Variants in NCKAP1 observed in about 807,000 individuals in gnomAD.
The protein encoded by NCKAP1 is nck-associated protein 1.
In NCKAP1, 21 loss-of-function variants were observed where a neutral mutation model predicts 151.2. The observed-to-expected ratio is 0.14, with a 90% CI of 0.10 to 0.20. The LOEUF (loss-of-function observed/expected upper bound fraction) is 0.20. Among genes scored for constraint, NCKAP1 ranks in the 10% least tolerant of loss-of-function variants. NCKAP1 has a pLI of 1.00. For synonymous variants in NCKAP1, 484 were observed against 451.8 expected (o/e 1.07, Z -0.90); for missense variants, 933 against 1,352.1 (o/e 0.69, Z 4.86).
intron 23 of NCKAP1, among the ~76,000 whole-genome samples, chr2:182,950,578 TAAA>T (rs1169501002): frequency 5.8e-4 from 89 of 152,198 alleles, no homozygotes; most frequent in Non-Finnish European, 8.8e-5. Flanking sequence ...TACAACCATA[TAAA>T]GTTTATAAAC....
In NCKAP1 at chr2:182,913,031, G is replaced by A. The variant is rs192131995; in HGVS notation, c.*12671C>T. 1.3e-5 allele frequency: 2 copies of A among 152,272 alleles called. No homozygotes were observed. The highest frequency in any genetic ancestry group is 4.8e-5 in the African/African-American group (2 of 41,560). 9.4% of individuals were successfully genotyped at this position (152,272 alleles called of 1,614,324 possible). On this transcript the variant is annotated 3_prime_UTR_variant, in exon 31 of 31. Coordinates refer to ENST00000361354, the MANE Select transcript of NCKAP1 (RefSeq NM_013436.5). ...ACTTGAGCCTCTGTTCAGTTTTGAC[G>A]TTACCATGTTGAATAGTTGTTATTT...
chr2:182,983,310 A>C lies in NCKAP1; in HGVS notation c.1077T>G (p.Asp359Glu). The C allele has an allele frequency of 6.2e-7, 1 of 1,611,692 alleles. No homozygotes were observed. The highest frequency in any genetic ancestry group is 8.5e-7 in the Non-Finnish European group (1 of 1,177,940). The stretch of plus-strand genomic sequence containing the variant: ...CCTTGGGACCTAGCAATCCAGGTTG[A>C]TCAGAGAGGACAGTAGCCAATTCCT... Reference protein sequence around the residue: ...ALKELATVLSDQPGLLGPKAL... With the variant: ...ALKELATVLSEQPGLLGPKAL... Residue 359 changes from aspartate (D) to glutamate (E), a missense_variant, in exon 11 of 31, where the codon GAT (aspartate) becomes GAG (glutamate). By Grantham distance (45) the Asp-to-Glu change is conservative (BLOSUM62 2). Around this residue, in one of 2 missense-constraint regions of NCKAP1, gnomAD observed 607 missense variants for 795.0 expected, o/e 0.76. Coordinates refer to ENST00000361354, the MANE Select transcript of NCKAP1 (RefSeq NM_013436.5).
chr2:182,974,249 C>T (rs1393097527), intron 15 of NCKAP1, among the ~76,000 whole-genome samples: 1 of 140,832 alleles, frequency 7.1e-6, no homozygotes, highest in East Asian at 2.0e-4. Flanking sequence ...ATGCATTGTC[C>T]TGTTGTCACT....
In NCKAP1 at chr2:182,922,146, T is replaced by G. The variant is rs2105791926; in HGVS notation, c.*3556A>C. On this transcript the variant is annotated 3_prime_UTR_variant, in exon 31 of 31. Coordinates refer to ENST00000361354, the MANE Select transcript of NCKAP1 (RefSeq NM_013436.5). The stretch of plus-strand genomic sequence containing the variant: ...ACTTTAAGGATTATTCACAAAAGTC[T>G]TAGGAATAATACAGGTGAAGTCTCA... 6.6e-6 allele frequency: 1 copy of G among 152,302 alleles called. No homozygotes were observed. The highest frequency in any genetic ancestry group is 2.4e-5 in the African/African-American group (1 of 41,564). The allele number at this position is 152,302 out of a possible 1,614,324, so 9.4% of individuals were successfully genotyped here. A position where few individuals can be genotyped will look rare whatever the true frequency, so the allele number is the denominator to read the frequency against.
At chr2:182,951,221 T>C (rs1471369565) in intron 23 of NCKAP1, among the ~76,000 whole-genome samples, 1 of 152,174 alleles carries the variant, frequency 6.6e-6, no homozygotes, top group Non-Finnish European at 1.5e-5. Flanking sequence ...TCTTGCTATT[T>C]ATTCACTCAG....
chr2:182,944,570 A>G (rs1697061817), intron 23 of NCKAP1, among the ~76,000 whole-genome samples: 1 of 152,222 alleles, frequency 6.6e-6, no homozygotes, highest in South Asian at 2.1e-4. Context: ...ATGTTTCACC[A>G]TAAGTACACG....
intron 24 of NCKAP1, among the ~76,000 whole-genome samples, chr2:182,941,015 A>G (rs1335502638): frequency 6.6e-6 from 1 of 152,164 alleles, no homozygotes; most frequent in Non-Finnish European, 1.5e-5. Context: ...AATGTCAAAT[A>G]TGAAGTATGT....
At chr2:183,022,611 A>C (rs1048694407) in intron 2 of NCKAP1, among the ~76,000 whole-genome samples, 2 of 152,128 alleles carry the variant, frequency 1.3e-5, no homozygotes, top group Non-Finnish European at 2.9e-5. Flanking sequence ...ACATAGTGAG[A>C]TCTCGTCTCT....
intron 10 of NCKAP1, among the ~76,000 whole-genome samples, chr2:182,985,897 A>G (rs1198777916): frequency 6.6e-6 from 1 of 152,148 alleles, no homozygotes; most frequent in African/African-American, 2.4e-5. Context: ...TATGCAGAGC[A>G]TAGTGGCAGT....
At chr2:182,981,778 G>A (rs1697944337) in intron 12 of NCKAP1, among the ~76,000 whole-genome samples, 1 of 151,430 alleles carries the variant, frequency 6.6e-6, no homozygotes, top group Non-Finnish European at 1.5e-5. Flanking sequence ...GCATGGTGGT[G>A]GGTGTCTGTA....
chr2:182,987,584 C>T (rs1200587992), intron 9 of NCKAP1, among the ~76,000 whole-genome samples: 1 of 152,112 alleles, frequency 6.6e-6, no homozygotes, highest in Non-Finnish European at 1.5e-5. Context: ...TACATAAGTT[C>T]ACTCAATATA....
Position 182,941,967 on chromosome 2 carries a change from T to C in NCKAP1, c.2695+103A>G, listed in dbSNP as rs967340167. 1.6e-4 allele frequency: 139 copies of C among 884,366 alleles called. 1 individual carries two copies. In the East Asian group the frequency reaches 3.4e-3, roughly 22 times the overall value. 54.8% of individuals were successfully genotyped at this position (884,366 alleles called of 1,614,324 possible). On this transcript the variant is annotated intron_variant, in intron 24 of 30. Transcript: ENST00000361354. ...CTCTTCATAAGCTAAAGAGTACTTTTCATAATTTACTACTTGTATTTATGT... is the reference window on the plus strand; with the variant it reads ...CTCTTCATAAGCTAAAGAGTACTTTCCATAATTTACTACTTGTATTTATGT...
At chr2:183,014,531 A>T (rs922711087) in intron 2 of NCKAP1, among the ~76,000 whole-genome samples, 1 of 152,232 alleles carries the variant, frequency 6.6e-6, no homozygotes, top group African/African-American at 2.4e-5. Flanking sequence ...TACACTAGAC[A>T]ATGGGAACTA....
intron 2 of NCKAP1, among the ~76,000 whole-genome samples, chr2:183,022,687 TA>T (rs986474242): frequency 2.6e-5 from 4 of 152,252 alleles, no homozygotes; most frequent in East Asian, 1.9e-4. Context: ...TGATTTTGTT[TA>T]AAAAAATGCC....
At chr2:183,015,538 A>C (rs1698667620) in intron 2 of NCKAP1, among the ~76,000 whole-genome samples, 1 of 152,034 alleles carries the variant, frequency 6.6e-6, no homozygotes, top group South Asian at 2.1e-4. Flanking sequence ...AATAAATTTA[A>C]AGAAAGTAAA....
chr2:182,921,578 AAAG>A lies in NCKAP1; in HGVS notation c.*4121_*4123del, dbSNP rs1257831609. On this transcript the variant is annotated 3_prime_UTR_variant, in exon 31 of 31. Transcript: ENST00000361354. Reference sequence around the variant, plus strand: ...AGAGGATTGTCTCAATCCTTAAGAGAAAGAAGAAGGTAAGGGCTGGGGATGAGG... The same window carrying A: ...AGAGGATTGTCTCAATCCTTAAGAGAAAGAAGGTAAGGGCTGGGGATGAGG... 2 of 152,212 alleles carry A rather than the reference AAAG, an allele frequency of 1.3e-5. No individual in the cohort carries two copies. The highest frequency in any genetic ancestry group is 2.9e-5 in the Non-Finnish European group (2 of 68,038). 9.4% of individuals were successfully genotyped at this position (152,212 alleles called of 1,614,324 possible).
rs201160356 is a variant in NCKAP1, at chr2:182,925,698, A to G, written c.*4T>C. On this transcript the variant is annotated 3_prime_UTR_variant, in exon 31 of 31. Transcript: ENST00000361354. ...GCGTGCTTATCTTGATTAAGTAGGT[A>G]ATTTTATGCAGAAGATGTAACACTT... is the stretch of plus-strand genomic sequence containing the variant. The G allele has an allele frequency of 3.4e-4, 515 of 1,508,636 alleles. 2 individuals carry two copies. The highest frequency in any genetic ancestry group is 3.0e-3 in the South Asian group (232 of 77,780). 93.5% of individuals were successfully genotyped at this position (1,508,636 alleles called of 1,614,324 possible). A position where few individuals can be genotyped will look rare whatever the true frequency, so the allele number is the denominator to read the frequency against.
chr2:183,029,514 A>G (rs567683430), intron 1 of NCKAP1, among the ~76,000 whole-genome samples: 1 of 152,156 alleles, frequency 6.6e-6, no homozygotes, highest in Admixed American at 6.5e-5. Flanking sequence ...CAAGAGATTA[A>G]GCAACAATCA....
At chr2:183,004,305 C>A (rs1698426010) in intron 2 of NCKAP1, among the ~76,000 whole-genome samples, 1 of 151,988 alleles carries the variant, frequency 6.6e-6, no homozygotes. Flanking sequence ...GCTATCAAAG[C>A]CCATACAATG....
Sources: allele counts gnomAD v4.1 joint callset (sites outside exome capture counted in the v4.1 genomes callset), GRCh38; gene constraint gnomAD v4.1.1; regional missense constraint gnomAD v4.1.1; transcripts MANE v1.5; gene names NCBI Gene and HGNC (gene_info 2026-07-23, HGNC 2026-07-21).